The following UNC5D variants were observed in gnomAD, a reference collection of about 807,000 sequenced individuals.
The protein encoded by UNC5D is unc-5 netrin receptor D.
UNC5D carries 39 observed loss-of-function variants against 105.4 expected under a neutral mutation model. That is an observed-to-expected ratio of 0.37 (90% confidence interval 0.29 to 0.48). The LOEUF (loss-of-function observed/expected upper bound fraction) is 0.48, where lower values mean the gene tolerates loss of function less well. Ranked by LOEUF, UNC5D falls within the 20% of genes least tolerant of loss-of-function variation. The pLI is 0.98. For synonymous variants in UNC5D, 452 were observed against 450.4 expected (o/e 1.00, Z -0.04); for missense variants, 991 against 1,202.4 (o/e 0.82, Z 2.60).
chr8:35,281,089 C>A (rs372105775), intron 1 of UNC5D, among the ~76,000 whole-genome samples: 2 of 152,176 alleles, frequency 1.3e-5, no homozygotes, highest in Non-Finnish European at 2.9e-5. Context: ...ACCAGGCCTT[C>A]GCTGTGCCTC....
chr8:35,595,031 G>A (rs1194265133), intron 3 of UNC5D, among the ~76,000 whole-genome samples: 2 of 152,188 alleles, frequency 1.3e-5, no homozygotes, highest in Non-Finnish European at 2.9e-5. Flanking sequence ...GTGGTTGAAT[G>A]TTGCCCCTTC....
At chr8:35,560,021 T>C (rs975925808) in intron 2 of UNC5D, among the ~76,000 whole-genome samples, 1 of 152,230 alleles carries the variant, frequency 6.6e-6, no homozygotes, top group African/African-American at 2.4e-5. Context: ...TATCTACAAC[T>C]AAACCATCCA....
At chr8:35,440,551 T>C (rs1475883071) in intron 1 of UNC5D, among the ~76,000 whole-genome samples, 1 of 152,038 alleles carries the variant, frequency 6.6e-6, no homozygotes, top group African/African-American at 2.4e-5. Flanking sequence ...TTGGTCCATT[T>C]GTTAAACTAG....
At chr8:35,764,423 G>C (rs1051750897) in intron 14 of UNC5D, among the ~76,000 whole-genome samples, 4 of 152,174 alleles carry the variant, frequency 2.6e-5, no homozygotes, top group Admixed American at 2.0e-4. Context: ...CTGAGATGTG[G>C]AGGAAGGGCT....
intron 6 of UNC5D, 80 bp downstream of exon 6, chr8:35,684,829 C>A: frequency 6.8e-7 from 1 of 1,465,724 alleles, no homozygotes; most frequent in East Asian, 2.4e-5. Context: ...ATGTTACCTT[C>A]TTTTCCAAAG....
At chr8:35,366,224 T>A (rs1802115923) in intron 1 of UNC5D, among the ~76,000 whole-genome samples, 1 of 152,078 alleles carries the variant, frequency 6.6e-6, no homozygotes, top group South Asian at 2.1e-4. Flanking sequence ...TGAGGGCACA[T>A]AGATTCCTAT....
chr8:35,723,547 C>T (rs1210153711), intron 9 of UNC5D, among the ~76,000 whole-genome samples: 1 of 151,890 alleles, frequency 6.6e-6, no homozygotes, highest in Non-Finnish European at 1.5e-5. Context: ...AGGCACATGC[C>T]ACCACACCAA....
chr8:35,780,524 C>T (rs945806825), intron 16 of UNC5D, among the ~76,000 whole-genome samples: 1 of 152,156 alleles, frequency 6.6e-6, no homozygotes, highest in Admixed American at 6.5e-5. Context: ...GTTGCGAAAT[C>T]ACTTGAGGTA....
intron 1 of UNC5D, among the ~76,000 whole-genome samples, chr8:35,267,502 G>A (rs1393521726): frequency 1.3e-5 from 2 of 152,172 alleles, no homozygotes; most frequent in Non-Finnish European, 2.9e-5. Context: ...GCAATGGTGC[G>A]ATCTCGGCTC....
At chr8:35,446,786 G>A (rs917881320) in intron 1 of UNC5D, among the ~76,000 whole-genome samples, 2 of 152,008 alleles carry the variant, frequency 1.3e-5, no homozygotes, top group African/African-American at 4.8e-5. Context: ...ACACTTTATT[G>A]CCTAACACAG....
At position 35,549,938 on chromosome 8, in the gene UNC5D, G is replaced by A. The variant is rs575683299; in HGVS notation, c.322+428G>A. ...CTTTGCACTTTATTCTCCACATTTGGTGGTTTCTGAGTCCTTTTTTTTTTT... is the reference window on the plus strand; with the variant it reads ...CTTTGCACTTTATTCTCCACATTTGATGGTTTCTGAGTCCTTTTTTTTTTT... On this transcript the variant is annotated intron_variant, in intron 2 of 16. Transcript: ENST00000404895. 1.1e-3 allele frequency among the ~76,000 whole-genome samples: 163 copies of A among 145,336 alleles called. 1 individual carries two copies. The highest frequency in any genetic ancestry group is 2.1e-3 in the Non-Finnish European group (140 of 67,166).
chr8:35,699,244 C>CTTAT (rs1827006943), intron 7 of UNC5D, among the ~76,000 whole-genome samples: 1 of 152,068 alleles, frequency 6.6e-6, no homozygotes, highest in Non-Finnish European at 1.5e-5. Flanking sequence ...ATTAAGGATA[C>CTTAT]TTATTTGTCC....
chr8:35,243,672 A>G (rs80067093), intron 1 of UNC5D, among the ~76,000 whole-genome samples: 1 of 152,256 alleles, frequency 6.6e-6, no homozygotes, highest in African/African-American at 2.4e-5. Flanking sequence ...TTTAAAAAAA[A>G]CAGAGCAGTG....
At chr8:35,265,755 A>G (rs914239579) in intron 1 of UNC5D, among the ~76,000 whole-genome samples, 1 of 151,912 alleles carries the variant, frequency 6.6e-6, no homozygotes, top group African/African-American at 2.4e-5. Flanking sequence ...CTGTAGTCCC[A>G]GCTACTCCAG....
intron 1 of UNC5D, among the ~76,000 whole-genome samples, chr8:35,395,146 G>A (rs906690719): frequency 2.0e-5 from 3 of 152,144 alleles, no homozygotes; most frequent in African/African-American, 7.2e-5. Flanking sequence ...TAAGTGCTTT[G>A]GGAACTTCAG....
chr8:35,387,224 G>A lies in UNC5D; in HGVS notation c.103+151337G>A, dbSNP rs956309063. Among the ~76,000 whole-genome samples, 7 of 151,906 alleles carry A rather than the reference G, an allele frequency of 4.6e-5. No homozygotes were observed. The South Asian group carries it at 1.0e-3, about 22-fold the overall frequency. ...AAAATACAACAAAAATTAGCTGGGC[G>A]TGGTGCTGTGTGCCTGTAGTCCCAG... On this transcript the variant is annotated intron_variant, in intron 1 of 16. Transcript: ENST00000404895.
intron 1 of UNC5D, among the ~76,000 whole-genome samples, chr8:35,537,310 A>C (rs1194929347): frequency 1.3e-5 from 2 of 152,212 alleles, no homozygotes; most frequent in African/African-American, 4.8e-5. Context: ...GATTATGTTC[A>C]AAGCTGGTGA....
At chr8:35,407,587 T>C (rs958990499) in intron 1 of UNC5D, among the ~76,000 whole-genome samples, 1 of 152,062 alleles carries the variant, frequency 6.6e-6, no homozygotes, top group African/African-American at 2.4e-5. Flanking sequence ...GTTTGTTACA[T>C]AGGTAAACTT....
chr8:35,485,894 G>T (rs1181793294), intron 1 of UNC5D, among the ~76,000 whole-genome samples: 5 of 152,178 alleles, frequency 3.3e-5, no homozygotes, highest in African/African-American at 1.2e-4. Context: ...CCCATTGTTT[G>T]CACTAGTGTT....
Sources: gnomAD v4.1 joint callset for allele counts (sites outside exome capture counted in the v4.1 genomes callset) on GRCh38, gnomAD v4.1.1 for gene constraint, MANE v1.5 for transcripts, NCBI Gene and HGNC (gene_info 2026-07-23, HGNC 2026-07-21) for gene names.